DIAPH3: variants seen among roughly 807,000 people sequenced by gnomAD.
The protein encoded by DIAPH3 is diaphanous related formin 3.
Under a neutral mutation model 144.3 loss-of-function variants are expected in DIAPH3, and 117 were observed. That is an observed-to-expected ratio of 0.81 (90% CI 0.70 to 0.95). DIAPH3 has a LOEUF of 0.95. DIAPH3 is among the 40% of genes least tolerant of loss of function. The pLI is 0.00. For synonymous variants in DIAPH3, 519 were observed against 488.9 expected (o/e 1.06, Z -0.81); for missense variants, 1,421 against 1,412.7 (o/e 1.01, Z -0.09).
chr13:60,152,827 ATACT>A (rs1951856486), intron 1 of DIAPH3, among the ~76,000 whole-genome samples: 1 of 21,248 alleles, frequency 4.7e-5, no homozygotes, highest in African/African-American at 2.3e-4. Context: ...TTCACTACTG[ATACT>A]TACTAATCAC....
At chr13:60,138,784 AG>A (rs1417948391) in intron 1 of DIAPH3, among the ~76,000 whole-genome samples, 19 of 44,278 alleles carry the variant, frequency 4.3e-4, no homozygotes. Context: ...AAGGAGAAGA[AG>A]GGGAAGAGGG....
chr13:59,674,696 A>G (rs1332382572), intron 27 of DIAPH3, among the ~76,000 whole-genome samples: 1 of 152,098 alleles, frequency 6.6e-6, no homozygotes, highest in Non-Finnish European at 1.5e-5. Flanking sequence ...GCCTCCCTAA[A>G]CATTCCTACA....
At chr13:59,968,609 T>C (rs758621103) in intron 17 of DIAPH3, among the ~76,000 whole-genome samples, 12 of 152,192 alleles carry the variant, frequency 7.9e-5, no homozygotes, top group Non-Finnish European at 1.5e-4. Flanking sequence ...TTAGTCAGGA[T>C]AAATGGTACT....
intron 25 of DIAPH3, among the ~76,000 whole-genome samples, chr13:59,803,717 G>T (rs896424555): frequency 6.6e-6 from 1 of 152,154 alleles, no homozygotes; most frequent in African/African-American, 2.4e-5. Context: ...TGGAGAAGAC[G>T]CAAATTAGTG....
intron 21 of DIAPH3, among the ~76,000 whole-genome samples, chr13:59,867,416 A>G (rs1261206284): frequency 6.6e-6 from 1 of 152,020 alleles, no homozygotes; most frequent in Non-Finnish European, 1.5e-5. Context: ...TTGATATTAT[A>G]TAAATTAGAT....
intron 20 of DIAPH3, among the ~76,000 whole-genome samples, chr13:59,880,292 T>C (rs570954202): frequency 1.4e-4 from 22 of 152,316 alleles, no homozygotes; most frequent in South Asian, 8.3e-4. Context: ...TGAAGCTAGA[T>C]ATGAATTCCT....
chr13:59,683,711 C>T (rs1431379346), intron 27 of DIAPH3, among the ~76,000 whole-genome samples: 1 of 152,114 alleles, frequency 6.6e-6, no homozygotes, highest in African/African-American at 2.4e-5. Flanking sequence ...CACGTTTGTC[C>T]CAGATGTCAT....
chr13:59,790,978 T>C (rs997699555), intron 25 of DIAPH3, among the ~76,000 whole-genome samples: 4 of 152,182 alleles, frequency 2.6e-5, no homozygotes, highest in Non-Finnish European at 4.4e-5. Flanking sequence ...TATTTATTTA[T>C]TTTTTTGAAA....
At chr13:59,722,807 G>C (rs1004495446) in intron 27 of DIAPH3, among the ~76,000 whole-genome samples, 2 of 152,114 alleles carry the variant, frequency 1.3e-5, no homozygotes, top group Admixed American at 1.3e-4. Flanking sequence ...ATAGAGCGGG[G>C]AGCAAATGCC....
intron 21 of DIAPH3, among the ~76,000 whole-genome samples, chr13:59,873,811 A>G (rs1319888190): frequency 6.6e-6 from 1 of 151,006 alleles, no homozygotes; most frequent in Non-Finnish European, 1.5e-5. Flanking sequence ...AGCTGGGATT[A>G]CAGGCGCCTG....
At chr13:59,957,832 A>G (rs977946258) in intron 17 of DIAPH3, among the ~76,000 whole-genome samples, 4 of 152,184 alleles carry the variant, frequency 2.6e-5, no homozygotes, top group Admixed American at 2.0e-4. Context: ...AAAAACAAAC[A>G]CAATTATCCC....
intron 27 of DIAPH3, among the ~76,000 whole-genome samples, chr13:59,705,516 T>C (rs1343521227): frequency 2.6e-5 from 4 of 152,162 alleles, no homozygotes; most frequent in Non-Finnish European, 4.4e-5. Context: ...AGGAACCTCA[T>C]AAAATCATTT....
At chr13:59,971,286 G>A (rs996650162) in intron 15 of DIAPH3, 126 bp from the exon 16 acceptor site, 3 of 891,908 alleles carry the variant, frequency 3.4e-6, no homozygotes, top group African/African-American at 1.7e-5. Flanking sequence ...ATTTCATAAG[G>A]TTTAACCAAA....
At chr13:60,060,767 C>A (rs2056739053) in intron 4 of DIAPH3, among the ~76,000 whole-genome samples, 1 of 151,932 alleles carries the variant, frequency 6.6e-6, no homozygotes, top group Non-Finnish European at 1.5e-5. Flanking sequence ...TAAATTTACT[C>A]AACTACCATG....
In DIAPH3 at chr13:59,810,349, G is replaced by A. The variant is rs1463732289; in HGVS notation, c.3163+439C>T. On this transcript the variant is annotated intron_variant, in intron 25 of 27. Coordinates refer to ENST00000400324, the MANE Select transcript of DIAPH3 (RefSeq NM_001042517.2). ...ATACATTACAATTGGCTGATATGTC[G>A]CTTAAGTCTCTTTCTTTTAAACAAT... 3.9e-5 allele frequency among the ~76,000 whole-genome samples: 6 copies of A among 152,042 alleles called. No individual in the cohort carries two copies. In the East Asian group the frequency reaches 7.7e-4, roughly 20 times the overall value.
At chr13:59,729,516 A>G (rs2035774569) in intron 27 of DIAPH3, among the ~76,000 whole-genome samples, 1 of 152,066 alleles carries the variant, frequency 6.6e-6, no homozygotes, top group African/African-American at 2.4e-5. Context: ...GAGAACAAAA[A>G]ACAATTTACC....
In DIAPH3 at chr13:59,810,908, T is replaced by G. The variant is rs1163446641; in HGVS notation, c.3043A>C (p.Asn1015His). 1 of 1,509,694 alleles carries G rather than the reference T, an allele frequency of 6.6e-7. No homozygotes were observed. Among genetic ancestry groups the G allele is most frequent in the Non-Finnish European group, 8.8e-7 (1 of 1,134,836 alleles). The allele number at this position is 1,509,694 out of a possible 1,614,324, so 93.5% of individuals were successfully genotyped here. A position where few individuals can be genotyped will look rare whatever the true frequency, so the allele number is the denominator to read the frequency against. Residue 1015 changes from asparagine (N) to histidine (H), a missense_variant, in exon 25 of 28, where the codon AAT (asparagine) becomes CAT (histidine). Physicochemically the swap from Asn to His is moderately conservative, Grantham distance 68 (BLOSUM62 1). Coordinates refer to ENST00000400324, the MANE Select transcript of DIAPH3 (RefSeq NM_001042517.2). ...TCCTCTGCTTCTCTTTTTTTGATATTCTCCTTTATTGCTTGCTAAAAAAAT... is the reference window on the plus strand; with the variant it reads ...TCCTCTGCTTCTCTTTTTTTGATATGCTCCTTTATTGCTTGCTAAAAAAAT... ...RTTFMQAIKE[N>H]IKKREAEEKE...
chr13:59,954,402 C>T (rs1783539183), intron 17 of DIAPH3, among the ~76,000 whole-genome samples: 1 of 151,998 alleles, frequency 6.6e-6, no homozygotes, highest in African/African-American at 2.4e-5. Flanking sequence ...CTTATAACCC[C>T]AATATAATCA....
At position 59,666,775 on chromosome 13, in the gene DIAPH3, G is replaced by T; in HGVS notation, c.3391C>A (p.Pro1131Thr). 2 of 1,614,108 alleles carry T rather than the reference G, an allele frequency of 1.2e-6. No individual in the cohort carries two copies. Among genetic ancestry groups the T allele is most frequent in the Non-Finnish European group, 1.7e-6 (2 of 1,179,998 alleles). The change falls in exon 28 of 28, where the codon CCA (proline) becomes ACA (threonine). Residue 1131 changes from proline (P) to threonine (T), a missense_variant. Transcript: ENST00000400324. ...TTATAATTAAGCTCCTTGGCGACTG[G>T]AGTCCTTGTTGAGTTGCAATTGATA... ...YNINCNSTRT[P>T]VAKELNYNLD...
Sources: allele counts gnomAD v4.1 joint callset (sites outside exome capture counted in the v4.1 genomes callset), GRCh38; gene constraint gnomAD v4.1.1; transcripts MANE v1.5; gene names NCBI Gene and HGNC (gene_info 2026-07-23, HGNC 2026-07-21).